The following RBL1 variants were observed in gnomAD, a reference collection of about 807,000 sequenced individuals.
RBL1 encodes the protein RB transcriptional corepressor like 1, also known as retinoblastoma-like protein 1.
In RBL1, 82 loss-of-function variants were observed where a neutral mutation model predicts 123.0. The observed-to-expected ratio is 0.67, with a 90% confidence interval of 0.56 to 0.80. The LOEUF (loss-of-function observed/expected upper bound fraction) is 0.80. Among genes scored for constraint, RBL1 ranks in the 30% least tolerant of loss-of-function variants. RBL1 has a pLI of 0.00. For missense variants in RBL1, 1,171 were observed against 1,299.6 expected, an observed-to-expected ratio of 0.90 and a Z score of 1.52; for synonymous variants, 405 against 441.3, an observed-to-expected ratio of 0.92 and a Z score of 1.03.
rs545952261 is a variant in RBL1, at chr20:37,087,306, C to A, written c.290+1683G>T. 3.3e-5 allele frequency among the ~76,000 whole-genome samples: 5 copies of A among 151,778 alleles called. No homozygotes were observed. In the South Asian group the frequency reaches 1.0e-3, roughly 32 times the overall value. ...GTCCAGATTGCACCACTGCACTCCA[C>A]CTGGGCAACAGAGTGAGACTCTGTC... On this transcript the variant is annotated intron_variant, in intron 2 of 21. Coordinates refer to ENST00000373664, the MANE Select transcript of RBL1 (RefSeq NM_002895.5).
At chr20:37,085,830 T>C (rs1053543877) in intron 2 of RBL1, among the ~76,000 whole-genome samples, 1 of 151,946 alleles carries the variant, frequency 6.6e-6, no homozygotes, top group African/African-American at 2.4e-5. Context: ...TTTGTATTTT[T>C]AGTAGAGATG....
chr20:37,051,179 CTT>C (rs2064905718), intron 11 of RBL1, among the ~76,000 whole-genome samples: 1 of 108,948 alleles, frequency 9.2e-6, no homozygotes, highest in Non-Finnish European at 1.8e-5. Context: ...TCCCACAGAT[CTT>C]TTTTTCTTTT....
chr20:37,034,822 GC>G (rs1223143314), intron 15 of RBL1, among the ~76,000 whole-genome samples: 11 of 151,826 alleles, frequency 7.2e-5, no homozygotes, highest in African/African-American at 2.7e-4. Flanking sequence ...GATTTATAGG[GC>G]AGTGAAACTA....
chr20:37,063,578 C>G (rs544189810), intron 7 of RBL1, among the ~76,000 whole-genome samples: 1 of 152,026 alleles, frequency 6.6e-6, no homozygotes, highest in East Asian at 1.9e-4. Context: ...ATGGTGTGAT[C>G]TGGGCTCACT....
chr20:37,001,918 TAAAAAA>T (rs757774894), intron 21 of RBL1, among the ~76,000 whole-genome samples: 1 of 86,544 alleles, frequency 1.2e-5, no homozygotes, highest in Admixed American at 1.4e-4. Flanking sequence ...TGCAGAACAA[TAAAAAA>T]AAAAAAAAAA....
chr20:37,032,766 C>A lies in RBL1; in HGVS notation c.2281G>T (p.Ala761Ser), dbSNP rs777343238. The change falls in exon 16 of 22, where the codon GCT becomes TCT. Residue 761 changes from alanine to serine, a missense_variant. Ala to Ser is a moderately conservative substitution (Grantham distance 99, BLOSUM62 1). Transcript: ENST00000373664. ...GTCAGATTGGTCTGTTTTGGAGAAG[C>A]ACCAATTAATGAATGAGCAGTAAGT... ...VSLTAHSLIG[A>S]SPKQTNLTKA... is the part of the protein sequence containing the mutation. 151 of 1,613,988 alleles carry A rather than the reference C, an allele frequency of 9.4e-5. 3 individuals carry two copies. The South Asian group carries it at 1.6e-3, about 17-fold the overall frequency.
At chr20:37,074,847 C>T (rs1160791648) in intron 2 of RBL1, among the ~76,000 whole-genome samples, 1 of 152,074 alleles carries the variant, frequency 6.6e-6, no homozygotes. Flanking sequence ...AACATAGAAT[C>T]ACCATATGAC....
At chr20:37,093,260 C>T (rs1309450435) in intron 1 of RBL1, among the ~76,000 whole-genome samples, 2 of 151,818 alleles carry the variant, frequency 1.3e-5, no homozygotes, top group Admixed American at 1.3e-4. Flanking sequence ...ACTCCAAATA[C>T]CTTTAAAAAA....
chr20:37,082,957 A>G (rs922403645), intron 2 of RBL1, among the ~76,000 whole-genome samples: 1 of 152,172 alleles, frequency 6.6e-6, no homozygotes, highest in Non-Finnish European at 1.5e-5. Flanking sequence ...AGCTGAGATC[A>G]TGTTACTGTA....
intron 21 of RBL1, among the ~76,000 whole-genome samples, chr20:37,002,346 T>TG (rs1351324966): frequency 1.2e-4 from 16 of 135,862 alleles, no homozygotes; most frequent in African/African-American, 4.0e-4. Context: ...GTTTTTTTTT[T>TG]TTTTTTTTTT....
intron 16 of RBL1, among the ~76,000 whole-genome samples, chr20:37,028,200 A>T (rs2064454798): frequency 1.3e-5 from 2 of 152,170 alleles, no homozygotes; most frequent in South Asian, 4.1e-4. Flanking sequence ...CCACGTCTCT[A>T]CTAAAAATAC....
At chr20:37,000,974 G>A (rs2063967026) in intron 21 of RBL1, among the ~76,000 whole-genome samples, 1 of 143,488 alleles carries the variant, frequency 7.0e-6, no homozygotes, top group Non-Finnish European at 1.5e-5. Context: ...CCCCTACTGG[G>A]AAGAGAGGAG....
chr20:37,091,318 A>C (rs903289217), intron 1 of RBL1, among the ~76,000 whole-genome samples: 1 of 151,768 alleles, frequency 6.6e-6, no homozygotes, highest in African/African-American at 2.4e-5. Context: ...AGATCACGCC[A>C]CTGCACTCCA....
intron 15 of RBL1, 126 bp from the exon 16 acceptor site, chr20:37,033,002 A>T: frequency 7.9e-7 from 1 of 1,261,942 alleles, no homozygotes; most frequent in Non-Finnish European, 1.1e-6. Context: ...TAGTAATTCT[A>T]GGTTATGACT....
chr20:37,064,648 C>A (rs538876715), intron 7 of RBL1, among the ~76,000 whole-genome samples: 1 of 151,200 alleles, frequency 6.6e-6, no homozygotes, highest in Admixed American at 6.6e-5. Context: ...CTCGCTCTGT[C>A]GCCTAGGCTG....
intron 2 of RBL1, among the ~76,000 whole-genome samples, chr20:37,074,437 A>AAG (rs142078578): frequency 6.7e-5 from 10 of 150,226 alleles, no homozygotes; most frequent in South Asian, 2.1e-4. Context: ...AAAAAAATTT[A>AAG]AGAGAGAGAG....
chr20:37,020,569 A>C, intron 18 of RBL1, 90 bp downstream of exon 18: 1 of 906,092 alleles, frequency 1.1e-6, no homozygotes, highest in Non-Finnish European at 1.7e-6. Context: ...AAGTATATTA[A>C]AACTATAAAA....
chr20:37,053,161 TAAC>T (rs1269384838), intron 11 of RBL1, among the ~76,000 whole-genome samples: 7 of 152,142 alleles, frequency 4.6e-5, no homozygotes, highest in Non-Finnish European at 1.0e-4. Flanking sequence ...GAATATAAAA[TAAC>T]AACATCAACC....
chr20:37,056,104 C>T, intron 10 of RBL1, 42 bp downstream of exon 10: 1 of 1,566,278 alleles, frequency 6.4e-7, no homozygotes, highest in African/African-American at 1.4e-5. Flanking sequence ...GGGGGGATTA[C>T]TTATTTTCAA....
Sources: gnomAD v4.1 joint callset for allele counts (sites outside exome capture counted in the v4.1 genomes callset) on GRCh38, gnomAD v4.1.1 for gene constraint, MANE v1.5 for transcripts, NCBI Gene and HGNC (gene_info 2026-07-23, HGNC 2026-07-21) for gene names.